Variants in PCNX1 observed in about 807,000 individuals in gnomAD.
PCNX1 encodes pecanex-like protein 1.
In PCNX1, 78 loss-of-function variants were observed where a neutral mutation model predicts 242.2. The observed-to-expected ratio is 0.32, with a 90% CI of 0.27 to 0.39. The LOEUF is 0.39. Ranked by LOEUF, PCNX1 falls within the 10% of genes least tolerant of loss-of-function variation. The pLI is 1.00. For missense variants in PCNX1, 2,581 were observed against 2,856.5 expected (o/e 0.90, Z 2.20); for synonymous variants, 1,024 against 1,032.9 (o/e 0.99, Z 0.17).
intron 2 of PCNX1, among the ~76,000 whole-genome samples, chr14:70,955,906 A>G (rs1174987385): frequency 6.6e-6 from 1 of 151,396 alleles, no homozygotes; most frequent in Non-Finnish European, 1.5e-5. Context: ...TCTCTTCATC[A>G]TTTTTATTCC....
chr14:71,033,791 A>G, intron 17 of PCNX1, 140 bp from the exon 18 acceptor site: 1 of 634,506 alleles, frequency 1.6e-6, no homozygotes, highest in South Asian at 1.9e-5. Flanking sequence ...ATGGTATCCT[A>G]AACATTTTAG....
chr14:71,049,211 TTTTA>T, intron 22 of PCNX1: 1 of 465,396 alleles, frequency 2.1e-6, no homozygotes, highest in Non-Finnish European at 2.8e-6. Flanking sequence ...TCTTAATACT[TTTTA>T]TTTGTTAAAT....
intron 2 of PCNX1, among the ~76,000 whole-genome samples, chr14:70,952,448 T>G (rs1473178251): frequency 1.3e-5 from 2 of 152,194 alleles, no homozygotes; most frequent in African/African-American, 4.8e-5. Flanking sequence ...AATCTTGAAT[T>G]TTTTGTGAAT....
intron 13 of PCNX1, among the ~76,000 whole-genome samples, chr14:71,024,513 T>C (rs2060187933): frequency 6.6e-6 from 1 of 152,202 alleles, no homozygotes; most frequent in African/African-American, 2.4e-5. Flanking sequence ...AAAAAATTTT[T>C]TTTTTTATTT....
At chr14:71,081,415 G>T (rs893065002) in intron 28 of PCNX1, among the ~76,000 whole-genome samples, 2 of 147,922 alleles carry the variant, frequency 1.4e-5, no homozygotes, top group African/African-American at 5.3e-5. Context: ...CTCTTTTTCT[G>T]TTGTTTGGAA....
At chr14:71,034,945 C>T (rs2060487686) in intron 18 of PCNX1, among the ~76,000 whole-genome samples, 1 of 152,130 alleles carries the variant, frequency 6.6e-6, no homozygotes, top group Non-Finnish European at 1.5e-5. Context: ...TTTTCTATGA[C>T]CACTGATGGA....
chr14:71,011,885 C>T, intron 10 of PCNX1: 1 of 208,744 alleles, frequency 4.8e-6, no homozygotes, highest in South Asian at 9.1e-5. Flanking sequence ...AAAGTAAAAC[C>T]CTCCCTACTT....
At chr14:70,955,009 G>A (rs1051657499) in intron 2 of PCNX1, among the ~76,000 whole-genome samples, 4 of 152,110 alleles carry the variant, frequency 2.6e-5, no homozygotes, top group African/African-American at 9.7e-5. Context: ...GTACATTGTG[G>A]CTCTCAGTTT....
At chr14:71,077,381 A>G (rs751709349) in intron 28 of PCNX1, among the ~76,000 whole-genome samples, 1 of 152,232 alleles carries the variant, frequency 6.6e-6, no homozygotes, top group South Asian at 2.1e-4. Context: ...TGTACCTGCT[A>G]TCATGGAGCA....
chr14:71,068,645 T>A (rs1348555337), intron 26 of PCNX1, among the ~76,000 whole-genome samples: 1 of 127,190 alleles, frequency 7.9e-6, no homozygotes, highest in African/African-American at 3.7e-5. Flanking sequence ...TATACATATA[T>A]TGTTGCATGT....
intron 26 of PCNX1, among the ~76,000 whole-genome samples, chr14:71,063,531 T>C (rs1406995682): frequency 6.6e-6 from 1 of 152,174 alleles, no homozygotes; most frequent in Non-Finnish European, 1.5e-5. Context: ...AGAGCTCTCA[T>C]GAGGGATGAG....
At chr14:71,083,713 C>T (rs983994314) in intron 28 of PCNX1, among the ~76,000 whole-genome samples, 3 of 152,112 alleles carry the variant, frequency 2.0e-5, no homozygotes, top group East Asian at 3.9e-4. Flanking sequence ...CATTTATGTT[C>T]TTCTCTAAAC....
At chr14:70,979,504 TGAATA>T (rs538574019) in intron 6 of PCNX1, among the ~76,000 whole-genome samples, 248 of 152,202 alleles carry the variant, frequency 1.6e-3, no homozygotes, top group African/African-American at 5.7e-3. Context: ...ATCTGCTTCT[TGAATA>T]GAATCAGAAA....
intron 35 of PCNX1, 45 bp downstream of exon 35, chr14:71,109,637 G>C (rs781552209): frequency 6.2e-7 from 1 of 1,608,918 alleles, no homozygotes; most frequent in African/African-American, 1.3e-5. Flanking sequence ...TGCCTTTTTT[G>C]AAGTCCGCCT....
In PCNX1 at chr14:71,111,685, C is replaced by A. The variant is rs931086302; in HGVS notation, c.*1750C>A. On this transcript the variant is annotated 3_prime_UTR_variant, in exon 36 of 36. Coordinates refer to ENST00000304743, the MANE Select transcript of PCNX1 (RefSeq NM_014982.3). ...GTAAATAGTGAACATACAGAACTTA[C>A]TGCATTTCCACTTTAAAACCTATTT... The A allele has an allele frequency of 1.3e-5, 2 of 152,122 alleles. No individual in the cohort carries two copies. Among genetic ancestry groups the A allele is most frequent in the Non-Finnish European group, 2.9e-5 (2 of 67,966 alleles). The allele number at this position is 152,122 out of a possible 1,614,324, so 9.4% of individuals were successfully genotyped here.
chr14:70,982,017 TATA>T (rs2058853429), intron 6 of PCNX1, among the ~76,000 whole-genome samples: 1 of 152,214 alleles, frequency 6.6e-6, no homozygotes, highest in African/African-American at 2.4e-5. Flanking sequence ...AGGATCCTAA[TATA>T]ATATTGTGTT....
rs578125541 is a variant in PCNX1 at position 71,094,260 on chromosome 14, A to G, written c.5589+4918A>G. ...AGCAATAAAAAGAAACTGATAACAA[A>G]CAGTAGATCAGTGGTTACTTGAAGT... On this transcript the variant is annotated intron_variant, in intron 30 of 35. Transcript: ENST00000304743. 2.0e-5 allele frequency among the ~76,000 whole-genome samples: 3 copies of G among 152,368 alleles called. No homozygotes were observed. The East Asian group carries it at 5.8e-4, about 29-fold the overall frequency.
Position 71,101,984 on chromosome 14 carries a change from A to C in PCNX1, c.5590-6A>C. The C allele has an allele frequency of 6.8e-7, 1 of 1,472,358 alleles. No individual in the cohort carries two copies. The highest frequency in any genetic ancestry group is 1.3e-5 in the South Asian group (1 of 76,830). The allele number at this position is 1,472,358 out of a possible 1,614,324, so 91.2% of individuals were successfully genotyped here. A position where few individuals can be genotyped will look rare whatever the true frequency, so the allele number is the denominator to read the frequency against. On this transcript the variant is annotated splice_polypyrimidine_tract_variant and splice_region_variant and intron_variant, in intron 30 of 35. Transcript: ENST00000304743. ...TTAAAAATTTATATATTATTTTTGT[A>C]TTTAGGATCATTTTACTTCTCCAGA...
At chr14:71,036,366 C>T (rs1221684244) in intron 19 of PCNX1, among the ~76,000 whole-genome samples, 4 of 152,058 alleles carry the variant, frequency 2.6e-5, no homozygotes, top group African/African-American at 9.7e-5. Flanking sequence ...TTTGTAGAAA[C>T]TGAGTCTTGT....
Sources: gnomAD v4.1 joint callset for allele counts (sites outside exome capture counted in the v4.1 genomes callset) on GRCh38, gnomAD v4.1.1 for gene constraint, MANE v1.5 for transcripts, NCBI Gene and HGNC (gene_info 2026-07-23, HGNC 2026-07-21) for gene names.